Variants in PIAS2 observed in about 807,000 individuals in gnomAD.
PIAS2 encodes E3 SUMO-protein ligase PIAS2.
A neutral mutation model predicts 69.7 loss-of-function variants in PIAS2; 19 were observed. The observed-to-expected ratio is 0.27, with a 90% CI of 0.19 to 0.40. The LOEUF is 0.40. PIAS2 is among the 10% of genes least tolerant of loss of function. The pLI is 1.00. For synonymous variants in PIAS2, 261 were observed against 263.2 expected (o/e 0.99, Z 0.08); for missense variants, 624 against 757.0 (o/e 0.82, Z 2.06).
upstream of PIAS2, among the ~76,000 whole-genome samples, chr18:46,919,861 T>C (rs574367212): frequency 3.9e-5 from 6 of 152,282 alleles, no homozygotes; most frequent in African/African-American, 1.4e-4. Flanking sequence ...TTATTCTCCG[T>C]AGACCTTGAT....
At chr18:46,895,320 G>A (rs1366216848) in intron 1 of PIAS2, among the ~76,000 whole-genome samples, 1 of 152,092 alleles carries the variant, frequency 6.6e-6, no homozygotes, top group African/African-American at 2.4e-5. Context: ...AGAAGCTGCT[G>A]AGGGCAACTG....
intron 2 of PIAS2, 108 bp downstream of exon 2, chr18:46,890,472 T>C: frequency 1.4e-6 from 1 of 700,094 alleles, no homozygotes; most frequent in Non-Finnish European, 2.3e-6. Context: ...CATTCGGCAT[T>C]GATGCCTCAA....
chr18:46,895,702 T>C (rs2054752459), intron 1 of PIAS2, among the ~76,000 whole-genome samples: 1 of 151,982 alleles, frequency 6.6e-6, no homozygotes. Context: ...ACATCTTCAT[T>C]TATAAGTAGG....
intron 11 of PIAS2, among the ~76,000 whole-genome samples, chr18:46,821,834 T>G (rs2042213710): frequency 6.6e-6 from 1 of 152,230 alleles, no homozygotes; most frequent in Admixed American, 6.5e-5. Context: ...ATATACACTA[T>G]AGAATTACTT....
chr18:46,917,615 ACAGCGCCCGCCCGCGCCTGC>A, upstream of PIAS2: 1 of 963,072 alleles, frequency 1.0e-6, no homozygotes, highest in Non-Finnish European at 1.2e-6. Context: ...CCGCGCGGCG[ACAGCGCCCGCCCGCGCCTGC>A]CCCGGCGTGC....
rs767709785 is a variant in PIAS2, at chr18:46,836,391, T to C, written c.1168A>G (p.Lys390Glu). The C allele has an allele frequency of 3.1e-6, 5 of 1,614,080 alleles. No homozygotes were observed. Residue 390 changes from lysine (K) to glutamate (E), a missense_variant, in exon 9 of 14, where the codon AAA becomes GAA. By Grantham distance (56) the Lys-to-Glu change is moderately conservative. Around this residue, in one of 3 missense-constraint regions of PIAS2, gnomAD observed 44 missense variants for 90.9 expected, o/e 0.48. Transcript: ENST00000585916. Reference protein sequence around the residue: ...KPTWICPVCDKKAAYESLILD... With the variant: ...KPTWICPVCDEKAAYESLILD... Reference sequence around the variant, plus strand: ...ATTAGACTTTCATAGGCAGCTTTTTTGTCACACACAGGACAAATCCAGGTG... The same window carrying C: ...ATTAGACTTTCATAGGCAGCTTTTTCGTCACACACAGGACAAATCCAGGTG...
chr18:46,833,894 G>T (rs1360728796), intron 9 of PIAS2, among the ~76,000 whole-genome samples: 1 of 152,130 alleles, frequency 6.6e-6, no homozygotes, highest in East Asian at 1.9e-4. Context: ...AATAATCTGG[G>T]TGCTAGGGTG....
chr18:46,903,514 A>C (rs1329007284), intron 1 of PIAS2: 1 of 152,218 alleles, frequency 6.6e-6, no homozygotes, highest in Non-Finnish European at 1.5e-5. Context: ...CTGAGATATC[A>C]CTAGATACCT....
intron 3 of PIAS2, among the ~76,000 whole-genome samples, chr18:46,856,143 C>G (rs1197913736): frequency 1.3e-5 from 2 of 151,338 alleles, no homozygotes; most frequent in Middle Eastern, 3.4e-3. Flanking sequence ...GTAGCTGGGA[C>G]TACAGGCGCC....
intron 3 of PIAS2, among the ~76,000 whole-genome samples, chr18:46,859,071 C>T (rs992602073): frequency 1.3e-5 from 2 of 152,122 alleles, no homozygotes; most frequent in African/African-American, 4.8e-5. Flanking sequence ...CTCTAAAGAC[C>T]ATACTAGCTC....
intron 1 of PIAS2, among the ~76,000 whole-genome samples, chr18:46,910,467 C>T (rs913458536): frequency 4.6e-5 from 7 of 151,490 alleles, no homozygotes; most frequent in Admixed American, 3.9e-4. Flanking sequence ...TACAAACCCA[C>T]TGTTAGAGTC....
intron 1 of PIAS2, 161 bp downstream of exon 1, chr18:46,917,161 C>G (rs2058057419): frequency 9.1e-7 from 1 of 1,104,564 alleles, no homozygotes; most frequent in African/African-American, 1.7e-5. Context: ...GGCCCGCTCC[C>G]CTCCCCCGCG....
At chr18:46,847,990 T>C (rs1055912269) in intron 5 of PIAS2, among the ~76,000 whole-genome samples, 2 of 152,180 alleles carry the variant, frequency 1.3e-5, no homozygotes, top group African/African-American at 4.8e-5. Context: ...AATTTAATTA[T>C]GTACTATTGA....
intron 2 of PIAS2, among the ~76,000 whole-genome samples, chr18:46,871,725 GA>G (rs1259848107): frequency 6.6e-6 from 1 of 152,154 alleles, no homozygotes; most frequent in Non-Finnish European, 1.5e-5. Flanking sequence ...TCTTGGGGGT[GA>G]AAGGAGAAAG....
chr18:46,903,733 G>A (rs1459572805), intron 1 of PIAS2: 1 of 152,130 alleles, frequency 6.6e-6, no homozygotes, highest in Admixed American at 6.5e-5. Flanking sequence ...AGAAAGATGT[G>A]TGCGTAAGTT....
intron 8 of PIAS2, among the ~76,000 whole-genome samples, chr18:46,839,989 C>T (rs1169191502): frequency 3.3e-5 from 5 of 151,844 alleles, no homozygotes; most frequent in Non-Finnish European, 5.9e-5. Flanking sequence ...GGTGAAACCC[C>T]GTCTCTACTA....
intron 9 of PIAS2, among the ~76,000 whole-genome samples, chr18:46,833,343 T>C (rs967324593): frequency 2.6e-5 from 4 of 152,134 alleles, no homozygotes; most frequent in African/African-American, 9.7e-5. Flanking sequence ...TCCAAACTAA[T>C]CTATAGAAAC....
In PIAS2 at chr18:46,844,840, C is replaced by A; in HGVS notation, c.862-1G>T. 7.5e-7 allele frequency: 1 copy of A among 1,338,770 alleles called. No individual in the cohort carries two copies. Among genetic ancestry groups the A allele is most frequent in the South Asian group, 1.6e-5 (1 of 64,068 alleles). The allele number at this position is 1,338,770 out of a possible 1,614,324, so 82.9% of individuals were successfully genotyped here. A position where few individuals can be genotyped will look rare whatever the true frequency, so the allele number is the denominator to read the frequency against. ...CAAGATATACAGACATAGAGTAATT[C>A]TACAAACAAACAAAAAAAACCTGCA... On this transcript the variant is annotated splice_acceptor_variant, in intron 6 of 13. Transcript: ENST00000585916. LOFTEE classifies it high-confidence loss of function.
At chr18:46,877,490 T>C (rs1466044930) in intron 2 of PIAS2, among the ~76,000 whole-genome samples, 1 of 152,202 alleles carries the variant, frequency 6.6e-6, no homozygotes, top group East Asian at 1.9e-4. Context: ...CCACCCATTC[T>C]GTAAACTGCC....
Sources: gnomAD v4.1 joint callset for allele counts (sites outside exome capture counted in the v4.1 genomes callset) on GRCh38, gnomAD v4.1.1 for gene constraint, gnomAD v4.1.1 regional missense constraint, MANE v1.5 for transcripts, NCBI Gene and HGNC (gene_info 2026-07-23, HGNC 2026-07-21) for gene names.